The following ANKRD30B variants were observed in gnomAD, a reference collection of about 807,000 sequenced individuals.
ANKRD30B encodes ankyrin repeat domain 30B.
ANKRD30B carries 144 observed loss-of-function variants against 202.2 expected under a neutral mutation model. That is an observed-to-expected ratio of 0.71 (90% CI 0.62 to 0.82). ANKRD30B has a LOEUF of 0.82. Ranked by LOEUF, ANKRD30B falls within the 40% of genes least tolerant of loss-of-function variation. The pLI, the probability that ANKRD30B is intolerant of heterozygous loss-of-function variation, is 0.00. For synonymous variants in ANKRD30B, 508 were observed against 561.3 expected, an observed-to-expected ratio of 0.91 and a Z score of 1.34; for missense variants, 1,487 against 1,669.1, an observed-to-expected ratio of 0.89 and a Z score of 1.90.
At chr18:14,821,167 T>C (rs1286562675) in intron 30 of ANKRD30B, among the ~76,000 whole-genome samples, 1 of 152,228 alleles carries the variant, frequency 6.6e-6, no homozygotes, top group African/African-American at 2.4e-5. Context: ...GTTTGTAGTA[T>C]TCTCTGATGG....
chr18:14,874,194 T>C, the ANKRD30B span, among the ~76,000 whole-genome samples: 1 of 152,194 alleles, frequency 6.6e-6, no homozygotes, highest in South Asian at 2.1e-4. Flanking sequence ...TATTCTATAC[T>C]CTGGTTCTAG....
chr18:14,890,247 C>A, the ANKRD30B span, among the ~76,000 whole-genome samples: 7 of 152,052 alleles, frequency 4.6e-5, no homozygotes, highest in Non-Finnish European at 8.8e-5. Context: ...ACAACACATA[C>A]ACACAAACAC....
intron 15 of ANKRD30B, among the ~76,000 whole-genome samples, chr18:14,788,826 G>GGATTGTTTGGATGT: frequency 6.6e-6 from 1 of 152,110 alleles, no homozygotes; most frequent in Admixed American, 6.6e-5. Context: ...CCAAGTCTTT[G>GGATTGTTTGGATGT]CTATTGTGAA....
chr18:14,878,765 G>T, the ANKRD30B span, among the ~76,000 whole-genome samples: 1 of 152,188 alleles, frequency 6.6e-6, no homozygotes, highest in African/African-American at 2.4e-5. Context: ...TGATTTTATA[G>T]GAAGAATGTC....
At chr18:14,910,473 C>T in the ANKRD30B span, among the ~76,000 whole-genome samples, 2 of 149,260 alleles carry the variant, frequency 1.3e-5, no homozygotes, top group African/African-American at 5.0e-5. Flanking sequence ...CATATATATA[C>T]ACAATGTAAA....
intron 30 of ANKRD30B, chr18:14,816,934 G>A (rs1440099963): frequency 6.6e-6 from 1 of 152,160 alleles, no homozygotes; most frequent in African/African-American, 2.4e-5. Context: ...GACACAGGAA[G>A]GGGAACATCA....
chr18:14,822,539 A>ATATTAACTAC, intron 31 of ANKRD30B, 28 bp downstream of exon 31: 1 of 1,129,586 alleles, frequency 8.9e-7, no homozygotes, highest in Non-Finnish European at 1.3e-6. Context: ...TTTATCTTGA[A>ATATTAACTAC]TATTAACTAC....
At chr18:14,846,761 AGTGTTAGT>A (rs1971655145) in intron 39 of ANKRD30B, among the ~76,000 whole-genome samples, 1 of 151,750 alleles carries the variant, frequency 6.6e-6, no homozygotes, top group South Asian at 2.1e-4. Flanking sequence ...TCTTTTTTCA[AGTGTTAGT>A]GTGGTATATC....
At chr18:14,931,948 A>C in the ANKRD30B span, among the ~76,000 whole-genome samples, 4 of 50,658 alleles carry the variant, frequency 7.9e-5, no homozygotes, top group Non-Finnish European at 1.5e-4. Flanking sequence ...CCCCCACCCC[A>C]CCTCCCTCCT....
intron 1 of ANKRD30B, among the ~76,000 whole-genome samples, chr18:14,751,860 C>A (rs1913507045): frequency 9.3e-6 from 1 of 107,764 alleles, no homozygotes; most frequent in Non-Finnish European, 2.1e-5. Flanking sequence ...GTTGTATATA[C>A]CGTATTCCAC....
At chr18:14,843,813 G>T (rs1030849976) in intron 39 of ANKRD30B, among the ~76,000 whole-genome samples, 19 of 152,236 alleles carry the variant, frequency 1.2e-4, no homozygotes, top group South Asian at 1.0e-3. Context: ...CAAACAAACA[G>T]AAATAATAAT....
At chr18:14,866,669 C>G in the ANKRD30B span, among the ~76,000 whole-genome samples, 2 of 151,998 alleles carry the variant, frequency 1.3e-5, no homozygotes, top group East Asian at 3.9e-4. Flanking sequence ...CTGCACTGCC[C>G]GCTTGTGGGG....
intron 37 of ANKRD30B, among the ~76,000 whole-genome samples, chr18:14,842,584 C>T (rs1377081479): frequency 3.3e-5 from 5 of 152,192 alleles, no homozygotes; most frequent in Admixed American, 3.3e-4. Context: ...ATAATTTGCT[C>T]CTCTGATCAA....
chr18:14,928,219 C>T, the ANKRD30B span, among the ~76,000 whole-genome samples: 1,915 of 152,250 alleles, frequency 0.013, 46 homozygotes, highest in African/African-American at 0.044. Flanking sequence ...CTGCCTGCCT[C>T]GGCGTCCCAA....
At chr18:14,754,709 G>A (rs1914051212) in intron 3 of ANKRD30B, among the ~76,000 whole-genome samples, 190 bp from the exon 4 acceptor site, 1 of 152,092 alleles carries the variant, frequency 6.6e-6, no homozygotes, top group Non-Finnish European at 1.5e-5. Context: ...TGATGCAGAG[G>A]CTGAATATTT....
chr18:14,836,647 G>A (rs1971187005), intron 34 of ANKRD30B, among the ~76,000 whole-genome samples: 1 of 151,932 alleles, frequency 6.6e-6, no homozygotes, highest in African/African-American at 2.4e-5. Context: ...ATTACATGAA[G>A]GGGTAAGTTC....
the ANKRD30B span, among the ~76,000 whole-genome samples, chr18:14,927,844 T>C: frequency 1.3e-5 from 2 of 152,182 alleles, no homozygotes; most frequent in African/African-American, 4.8e-5. Context: ...CAGTAAGAAA[T>C]GAACCAACAG....
At chr18:14,794,499 C>A (rs1355049215) in intron 16 of ANKRD30B, among the ~76,000 whole-genome samples, 1 of 151,766 alleles carries the variant, frequency 6.6e-6, no homozygotes, top group African/African-American at 2.4e-5. Flanking sequence ...TGAGGATGTA[C>A]ATTTATCATA....
At chr18:14,910,745 C>G in the ANKRD30B span, among the ~76,000 whole-genome samples, 5 of 152,232 alleles carry the variant, frequency 3.3e-5, no homozygotes, top group Non-Finnish European at 5.9e-5. Flanking sequence ...TTCCCACCAA[C>G]AGTGTATAAG....
Sources: gnomAD v4.1 joint callset for allele counts (sites outside exome capture counted in the v4.1 genomes callset) on GRCh38, gnomAD v4.1.1 for gene constraint, MANE v1.5 for transcripts, NCBI Gene and HGNC (gene_info 2026-07-23, HGNC 2026-07-21) for gene names.